Variants in MINAR1 observed in about 807,000 individuals in gnomAD.
The protein encoded by MINAR1 is membrane integral NOTCH2 associated receptor 1.
A neutral mutation model predicts 65.1 loss-of-function variants in MINAR1; 40 were observed. The ratio of observed to expected loss-of-function variants is 0.61; its 90% CI spans 0.48 to 0.80. MINAR1 has a LOEUF of 0.80. MINAR1 is among the 30% of genes least tolerant of loss of function. The pLI is 0.00. For missense variants in MINAR1, 1,128 were observed against 1,148.0 expected (o/e 0.98, Z 0.25); for synonymous variants, 482 against 449.1 (o/e 1.07, Z -0.93).
In MINAR1 at chr15:79,457,155, C is replaced by G. The variant is rs368843557; in HGVS notation, c.1008C>G (p.Ala336=). ...ACGAAAGCTTAGATGACCTTCAAGC[C>G]TCTACATATTTTGGGCCCACTCCCG... ...AKHESLDDLQ[A]STYFGPTPVM... The change falls in exon 2 of 4, where the codon GCC becomes GCG. Residue 336 remains alanine, a synonymous_variant. Transcript: ENST00000305428. The G allele has an allele frequency of 2.7e-5, 43 of 1,614,026 alleles. No individual in the cohort carries two copies. In the African/African-American group the frequency reaches 3.3e-4, roughly 13 times the overall value.
chr15:79,463,392 GGACGGCTTA>G, intron 3 of MINAR1, 71 bp downstream of exon 3: 1 of 1,569,744 alleles, frequency 6.4e-7, no homozygotes, highest in Non-Finnish European at 8.7e-7. Flanking sequence ...AATGGATCAC[GGACGGCTTA>G]GACCGGCCAG....
At chr15:79,452,873 A>G (rs1288934108) in intron 1 of MINAR1, among the ~76,000 whole-genome samples, 6 of 137,912 alleles carry the variant, frequency 4.4e-5, no homozygotes, top group African/African-American at 1.4e-4. Context: ...GTGAGTGTGA[A>G]GCTGTGTGAG....
At chr15:79,466,703 C>T (rs370606899) in intron 3 of MINAR1, among the ~76,000 whole-genome samples, 32 of 152,260 alleles carry the variant, frequency 2.1e-4, no homozygotes, top group Admixed American at 3.9e-4. Context: ...GCAGGGCCTG[C>T]GGGTTGTCAG....
chr15:79,458,658 A>G (rs1313982719), intron 2 of MINAR1, among the ~76,000 whole-genome samples: 6 of 152,216 alleles, frequency 3.9e-5, no homozygotes, highest in African/African-American at 1.4e-4. Context: ...TAGGAGGAGC[A>G]CATGCTGCGA....
chr15:79,464,112 G>A (rs1329286670), intron 3 of MINAR1, among the ~76,000 whole-genome samples: 1 of 152,174 alleles, frequency 6.6e-6, no homozygotes, highest in South Asian at 2.1e-4. Flanking sequence ...TCTAAAAGAG[G>A]GCTGTGGGAG....
Position 79,457,518 on chromosome 15 carries a change from C to T in MINAR1, c.1371C>T (p.Asp457=). The T allele has an allele frequency of 1.2e-6, 2 of 1,614,170 alleles. No individual in the cohort carries two copies. Among genetic ancestry groups the T allele is most frequent in the East Asian group, 2.2e-5 (1 of 44,882 alleles). The change falls in exon 2 of 4, where the codon GAC becomes GAT. Residue 457 remains aspartate, a synonymous_variant. Transcript: ENST00000305428. ...ATGAACCAGTCAAAAAGTTTAAAGACAAGAGCATTAACTGCACCAGTGGGC... is the reference window on the plus strand; with the variant it reads ...ATGAACCAGTCAAAAAGTTTAAAGATAAGAGCATTAACTGCACCAGTGGGC... ...EKHEPVKKFK[D]KSINCTSGQL... is the part of the protein sequence containing the mutation.
At chr15:79,432,976 G>A (rs1173263565) in intron 1 of MINAR1, among the ~76,000 whole-genome samples, 2 of 152,256 alleles carry the variant, frequency 1.3e-5, no homozygotes, top group Admixed American at 6.5e-5. Context: ...CAAGCCCCAG[G>A]TGGACCGACC....
chr15:79,468,423 A>G lies in MINAR1; in HGVS notation c.*39A>G, dbSNP rs1208903755. The G allele has an allele frequency of 1.2e-5, 19 of 1,567,684 alleles. No homozygotes were observed. The highest frequency in any genetic ancestry group is 2.7e-5 in the African/African-American group (2 of 74,154). ...CCTTACGTACAGCTTATGACTACCAATGTCGTCGTCTGTATCTTAGAATCT... is the reference window on the plus strand; with the variant it reads ...CCTTACGTACAGCTTATGACTACCAGTGTCGTCGTCTGTATCTTAGAATCT... On this transcript the variant is annotated 3_prime_UTR_variant, in exon 4 of 4. Coordinates refer to ENST00000305428, the MANE Select transcript of MINAR1 (RefSeq NM_015206.3).
At chr15:79,454,391 T>C (rs1372893726) in intron 1 of MINAR1, among the ~76,000 whole-genome samples, 1 of 152,168 alleles carries the variant, frequency 6.6e-6, no homozygotes, top group Non-Finnish European at 1.5e-5. Context: ...AAATATACTA[T>C]TCCCTTAGAA....
Position 79,457,578 on chromosome 15 carries a change from G to A in MINAR1, c.1431G>A (p.Gln477=). The A allele has an allele frequency of 6.2e-7, 1 of 1,614,182 alleles. No homozygotes were observed. The highest frequency in any genetic ancestry group is 8.5e-7 in the Non-Finnish European group (1 of 1,180,050). ...CAGACACCAGTAGCGTGGGCACCCA[G>A]ACTGAGCACGTGCTGGAGCCCAAGA... The part of the protein sequence containing the change: ...LSSDTSSVGT[Q]TEHVLEPKKC... The change falls in exon 2 of 4, where the codon CAG becomes CAA. Residue 477 remains glutamine, a synonymous_variant. Transcript: ENST00000305428.
At chr15:79,443,423 C>T (rs1484333551) in intron 1 of MINAR1, among the ~76,000 whole-genome samples, 1 of 152,170 alleles carries the variant, frequency 6.6e-6, no homozygotes, top group Non-Finnish European at 1.5e-5. Context: ...GTCAGGGCAG[C>T]ACATCATATT....
Position 79,456,752 on chromosome 15 carries a change from C to G in MINAR1, c.605C>G (p.Ser202Cys). ...LDRLQALAPY[S>C]VTSPQPCEMQ... ...AGGTTGCAGGCCCTGGCTCCGTACT[C>G]TGTGACCAGCCCTCAGCCCTGTGAG... The change falls in exon 2 of 4, where the codon TCT becomes TGT. Residue 202 changes from serine to cysteine, a missense_variant. Ser to Cys is a moderately radical substitution (Grantham distance 112). Coordinates refer to ENST00000305428, the MANE Select transcript of MINAR1 (RefSeq NM_015206.3). The G allele has an allele frequency of 6.2e-7, 1 of 1,614,220 alleles. No homozygotes were observed. The highest frequency in any genetic ancestry group is 8.5e-7 in the Non-Finnish European group (1 of 1,180,036).
intron 3 of MINAR1, chr15:79,463,590 A>G (rs975782699): frequency 1.4e-5 from 9 of 639,164 alleles, no homozygotes; most frequent in Admixed American, 8.5e-5. Flanking sequence ...ATTTGCTAAC[A>G]ATGCATTTAC....
chr15:79,458,115 T>C lies in MINAR1; in HGVS notation c.1968T>C (p.Asp656=). 6.2e-7 allele frequency: 1 copy of C among 1,614,196 alleles called. No individual in the cohort carries two copies. Among genetic ancestry groups the C allele is most frequent in the East Asian group, 2.2e-5 (1 of 44,890 alleles). ...CCTTGACAAGCGAGGGTCCGTCTGA[T>C]GACAGTGCCTCTCCCCGGATGTTCC... is the stretch of plus-strand genomic sequence containing the variant. ...LNSLTSEGPS[D]DSASPRMFHA... The change falls in exon 2 of 4, where the codon GAT becomes GAC. Residue 656 remains aspartate (D), a synonymous_variant. Coordinates refer to ENST00000305428, the MANE Select transcript of MINAR1 (RefSeq NM_015206.3).
At position 79,456,243 on chromosome 15, in the gene MINAR1, ATC is replaced by A; in HGVS notation, c.102_103del (p.Ala36ProfsTer39). 1 of 1,614,098 alleles carries A rather than the reference ATC, an allele frequency of 6.2e-7. No homozygotes were observed. Among genetic ancestry groups the A allele is most frequent in the Non-Finnish European group, 8.5e-7 (1 of 1,180,016 alleles). ...CCGTTTCTTATCAGGACCTGTGCAA[ATC>A]TCTCTGTGCCCGGTTCGACCTGTCG... Reference protein sequence around the residue: ...NTVSYQDLCKSLCARFDLSQL... With the variant: ...NTVSYQDLCKXLCARFDLSQL... On this transcript the variant is annotated frameshift_variant, in exon 2 of 4. Transcript: ENST00000305428. LOFTEE classifies it high-confidence loss of function.
Position 79,468,703 on chromosome 15 carries a change from C to A in MINAR1, c.*319C>A. The A allele has an allele frequency of 3.2e-6, 1 of 316,420 alleles. No individual in the cohort carries two copies. Among genetic ancestry groups the A allele is most frequent in the Non-Finnish European group, 5.9e-6 (1 of 169,822 alleles). The allele number at this position is 316,420 out of a possible 1,614,324, so 19.6% of individuals were successfully genotyped here. On this transcript the variant is annotated 3_prime_UTR_variant, in exon 4 of 4. Coordinates refer to ENST00000305428, the MANE Select transcript of MINAR1 (RefSeq NM_015206.3). ...AAAAGGAAGATTAATTGGGTTCTTT[C>A]CATTTTGATGATGTTTCATGGTGGG... is the stretch of plus-strand genomic sequence containing the variant.
chr15:79,444,683 T>C (rs1219146892), intron 1 of MINAR1, among the ~76,000 whole-genome samples: 2 of 152,104 alleles, frequency 1.3e-5, no homozygotes, highest in Non-Finnish European at 2.9e-5. Flanking sequence ...TTTTTTGACC[T>C]ATGGCTTATT....
At chr15:79,430,875 CTTGTT>C (rs1331294104), upstream of MINAR1, among the ~76,000 whole-genome samples, 3 of 151,940 alleles carry the variant, frequency 2.0e-5, no homozygotes, top group Admixed American at 1.3e-4. Context: ...CTTTTGTTTG[CTTGTT>C]TTGTTTTTAA....
intron 1 of MINAR1, among the ~76,000 whole-genome samples, chr15:79,450,453 C>T (rs904872802): frequency 6.6e-6 from 1 of 151,868 alleles, no homozygotes; most frequent in African/African-American, 2.4e-5. Context: ...ACGAGAGCAC[C>T]CCCATTAATT....
Sources: gnomAD v4.1 joint callset for allele counts (sites outside exome capture counted in the v4.1 genomes callset) on GRCh38, gnomAD v4.1.1 for gene constraint, MANE v1.5 for transcripts, NCBI Gene and HGNC (gene_info 2026-07-23, HGNC 2026-07-21) for gene names.